PTPRT: variants seen among roughly 807,000 people sequenced by gnomAD.
The protein encoded by PTPRT is protein tyrosine phosphatase receptor type T, also known as receptor-type tyrosine-protein phosphatase T.
In PTPRT, 56 loss-of-function variants were observed where a neutral mutation model predicts 176.8. That is an observed-to-expected ratio of 0.32 (90% confidence interval 0.26 to 0.40). The LOEUF (loss-of-function observed/expected upper bound fraction) is 0.40. PTPRT is among the 10% of genes least tolerant of loss of function. PTPRT has a pLI of 1.00. For synonymous variants in PTPRT, 783 were observed against 739.0 expected (o/e 1.06, Z -0.96); for missense variants, 1,540 against 1,908.2 (o/e 0.81, Z 3.60).
intron 1 of PTPRT, among the ~76,000 whole-genome samples, chr20:43,018,578 C>CG (rs1183031890): frequency 1.3e-5 from 2 of 151,926 alleles, no homozygotes; most frequent in African/African-American, 2.4e-5. Context: ...TGTAAAATGG[C>CG]GGGGGGTGGG....
At chr20:42,611,578 C>T (rs554429699) in intron 7 of PTPRT, among the ~76,000 whole-genome samples, 3 of 152,300 alleles carry the variant, frequency 2.0e-5, no homozygotes, top group South Asian at 2.1e-4. Flanking sequence ...CTCTCAGGCC[C>T]GTCACGCCAC....
intron 7 of PTPRT, among the ~76,000 whole-genome samples, chr20:42,473,489 C>G (rs1437822069): frequency 6.6e-6 from 1 of 151,900 alleles, no homozygotes; most frequent in Non-Finnish European, 1.5e-5. Context: ...TGTTTTGTTT[C>G]TTTGAGATGG....
At chr20:42,290,901 G>C (rs1348211658) in intron 12 of PTPRT, among the ~76,000 whole-genome samples, 1 of 152,038 alleles carries the variant, frequency 6.6e-6, no homozygotes, top group Non-Finnish European at 1.5e-5. Context: ...ACTTGGGTTA[G>C]GCTGCTAACC....
chr20:42,448,607 G>C (rs2070773151), intron 8 of PTPRT, among the ~76,000 whole-genome samples: 1 of 152,140 alleles, frequency 6.6e-6, no homozygotes, highest in Non-Finnish European at 1.5e-5. Context: ...ACAGGCCATA[G>C]TTTGCTAACC....
At chr20:43,134,446 C>T (rs556674723) in intron 1 of PTPRT, among the ~76,000 whole-genome samples, 1 of 152,334 alleles carries the variant, frequency 6.6e-6, no homozygotes, top group Admixed American at 6.5e-5. Flanking sequence ...GGCGTGTCTT[C>T]AGGAAGAGTC....
chr20:42,779,849 GTT>G (rs11478372), intron 4 of PTPRT, among the ~76,000 whole-genome samples: 244 of 146,218 alleles, frequency 1.7e-3, no homozygotes, highest in South Asian at 0.011. Context: ...GTGGTGGTGT[GTT>G]TTTTTTTTTT....
chr20:42,581,403 G>C (rs1291485448), intron 7 of PTPRT, among the ~76,000 whole-genome samples: 3 of 152,052 alleles, frequency 2.0e-5, no homozygotes, highest in Admixed American at 6.5e-5. Flanking sequence ...GAAAATGTAA[G>C]CACCATGACG....
chr20:42,478,774 C>T (rs1455021828), intron 7 of PTPRT, among the ~76,000 whole-genome samples: 1 of 152,028 alleles, frequency 6.6e-6, no homozygotes, highest in Non-Finnish European at 1.5e-5. Context: ...TCCCATAGCT[C>T]TTATCAGACT....
rs534668637 is a variant in PTPRT, at chr20:42,302,571, T to C, written c.2139+13152A>G. Among the ~76,000 whole-genome samples the C allele has an allele frequency of 2.1e-4, 32 of 152,360 alleles. 1 individual carries two copies. The highest frequency in any genetic ancestry group is 3.4e-3 in the Middle Eastern group (1 of 294). Reference sequence around the variant, plus strand: ...CTCATCCCCTCTACCTCCAGGTTTATAGCTGAACACACCAGGTATTCTGCC... The same window carrying C: ...CTCATCCCCTCTACCTCCAGGTTTACAGCTGAACACACCAGGTATTCTGCC... On this transcript the variant is annotated intron_variant, in intron 12 of 30. Coordinates refer to ENST00000373187, the MANE Select transcript of PTPRT (RefSeq NM_007050.6).
intron 7 of PTPRT, among the ~76,000 whole-genome samples, chr20:42,539,647 A>C (rs113625568): frequency 0.01 from 1,557 of 151,988 alleles, 30 homozygotes; most frequent in African/African-American, 0.036. Flanking sequence ...CTAAAAAAAA[A>C]ACCCACATGC....
chr20:42,409,460 C>T (rs2058991758), intron 9 of PTPRT, among the ~76,000 whole-genome samples: 1 of 117,844 alleles, frequency 8.5e-6, no homozygotes, highest in Admixed American at 1.0e-4. Context: ...CCAGCCTGGG[C>T]AACAGAACGA....
At chr20:42,994,094 T>C (rs1340124465) in intron 1 of PTPRT, among the ~76,000 whole-genome samples, 1 of 152,250 alleles carries the variant, frequency 6.6e-6, no homozygotes, top group Non-Finnish European at 1.5e-5. Context: ...GGCACCGGTA[T>C]GTATTCATCT....
chr20:42,083,648 C>G (rs1284417368), intron 29 of PTPRT, among the ~76,000 whole-genome samples: 1 of 152,202 alleles, frequency 6.6e-6, no homozygotes, highest in African/African-American at 2.4e-5. Flanking sequence ...TTTGAAAAGA[C>G]TGACCTCAAT....
At chr20:43,070,278 C>G (rs922412543) in intron 1 of PTPRT, among the ~76,000 whole-genome samples, 1 of 152,094 alleles carries the variant, frequency 6.6e-6, no homozygotes, top group African/African-American at 2.4e-5. Context: ...CAATGAGATA[C>G]CATCTCACAC....
intron 9 of PTPRT, among the ~76,000 whole-genome samples, chr20:42,367,366 G>A (rs2058528750): frequency 6.6e-6 from 1 of 152,112 alleles, no homozygotes; most frequent in Non-Finnish European, 1.5e-5. Context: ...GTATTTTTGG[G>A]GAAACCACAG....
Position 42,791,288 on chromosome 20 carries a change from T to C in PTPRT, c.393A>G (p.Gln131=), listed in dbSNP as rs762572129. Reference sequence around the variant, plus strand: ...CGGACACATTCCACACAGGGTTCCCTTGGGGGCCACCATTCACCTTCACGT... The same window carrying C: ...CGGACACATTCCACACAGGGTTCCCCTGGGGGCCACCATTCACCTTCACGT... ...NVYVKVNGGP[Q]GNPVWNVSGV... is the part of the protein sequence containing the mutation. Residue 131 remains glutamine (Q), a synonymous_variant, in exon 3 of 31, where the codon CAA becomes CAG. Coordinates refer to ENST00000373187, the MANE Select transcript of PTPRT (RefSeq NM_007050.6). 6.2e-7 allele frequency: 1 copy of C among 1,614,186 alleles called. No homozygotes were observed. Among genetic ancestry groups the C allele is most frequent in the Non-Finnish European group, 8.5e-7 (1 of 1,180,018 alleles).
chr20:42,348,277 C>A (rs2058224169), intron 11 of PTPRT, among the ~76,000 whole-genome samples: 1 of 152,160 alleles, frequency 6.6e-6, no homozygotes, highest in African/African-American at 2.4e-5. Context: ...GAAACTGAGT[C>A]TACACCCACC....
At chr20:42,746,606 T>C (rs547294130) in intron 6 of PTPRT, among the ~76,000 whole-genome samples, 7 of 148,330 alleles carry the variant, frequency 4.7e-5, no homozygotes, top group Non-Finnish European at 7.4e-5. Flanking sequence ...ATCTATGTGT[T>C]CTTGACAATA....
intron 2 of PTPRT, among the ~76,000 whole-genome samples, chr20:42,801,253 T>C (rs923069719): frequency 6.6e-6 from 1 of 152,088 alleles, no homozygotes; most frequent in East Asian, 1.9e-4. Flanking sequence ...TATCACACCA[T>C]CTAACGCGGA....
Sources: gnomAD v4.1 joint callset for allele counts (sites outside exome capture counted in the v4.1 genomes callset) on GRCh38, gnomAD v4.1.1 for gene constraint, MANE v1.5 for transcripts, NCBI Gene and HGNC (gene_info 2026-07-23, HGNC 2026-07-21) for gene names.